Variants in ERP27 observed in about 807,000 individuals in gnomAD.
The protein encoded by ERP27 is endoplasmic reticulum resident protein 27.
In ERP27, 23 loss-of-function variants were observed where a neutral mutation model predicts 27.7. The observed-to-expected ratio is 0.83, with a 90% CI of 0.60 to 1.18. The LOEUF is 1.18. Among genes scored for constraint, ERP27 ranks in the 50% most tolerant of loss-of-function variants. The probability of loss-of-function intolerance (pLI) is 0.00; values close to 1 mark genes in which losing one functional copy is unlikely to be tolerated. For synonymous variants in ERP27, 159 were observed against 118.3 expected, an observed-to-expected ratio of 1.34 and a Z score of -2.23; for missense variants, 363 against 327.9, an observed-to-expected ratio of 1.11 and a Z score of -0.83.
At chr12:14,917,033 T>G in intron 5 of ERP27, 145 bp downstream of exon 5, 1 of 862,270 alleles carries the variant, frequency 1.2e-6, no homozygotes, top group Non-Finnish European at 1.8e-6. Context: ...TTTCAAATAA[T>G]GTGATTTATT....
intron 3 of ERP27, among the ~76,000 whole-genome samples, chr12:14,928,340 C>T (rs1484210346): frequency 6.6e-6 from 1 of 152,194 alleles, no homozygotes; most frequent in Non-Finnish European, 1.5e-5. Context: ...TAAGATTGCT[C>T]TTTATTGTCA....
chr12:14,920,603 C>T (rs559341113), intron 4 of ERP27, among the ~76,000 whole-genome samples: 1 of 152,296 alleles, frequency 6.6e-6, no homozygotes, highest in Admixed American at 6.5e-5. Flanking sequence ...AACTCCTGGA[C>T]ACGAGTGATC....
intron 4 of ERP27, among the ~76,000 whole-genome samples, chr12:14,920,136 G>A (rs1055948470): frequency 6.6e-6 from 1 of 152,190 alleles, no homozygotes; most frequent in Non-Finnish European, 1.5e-5. Flanking sequence ...GAAAATAAAG[G>A]ATGGGACACA....
Position 14,914,558 on chromosome 12 carries a change from C to CAG in ERP27, c.*176_*177insCT. ...AGATTTTAAGACAGGAAATGAAGCTCTGTGTGTGTGTGTGTGTGTGCGTGT... is the reference window on the plus strand; with the variant it reads ...AGATTTTAAGACAGGAAATGAAGCTCAGTGTGTGTGTGTGTGTGTGTGCGTGT... On this transcript the variant is annotated 3_prime_UTR_variant, in exon 7 of 7. Transcript: ENST00000266397. The CAG allele has an allele frequency of 2.8e-6, 1 of 353,620 alleles. No homozygotes were observed. Among genetic ancestry groups the CAG allele is most frequent in the East Asian group, 4.7e-5 (1 of 21,058 alleles). The allele number at this position is 353,620 out of a possible 1,614,324, so 21.9% of individuals were successfully genotyped here. A position where few individuals can be genotyped will look rare whatever the true frequency, so the allele number is the denominator to read the frequency against.
chr12:14,928,908 T>C (rs1256277874), intron 3 of ERP27: 2 of 1,525,032 alleles, frequency 1.3e-6, no homozygotes, highest in Non-Finnish European at 8.8e-7. Flanking sequence ...AAAAATAATA[T>C]TTGCAGCTCC....
At chr12:14,938,087 G>A (rs181240268) in intron 1 of ERP27, 35 bp from the exon 2 acceptor site, 15 of 1,558,448 alleles carry the variant, frequency 9.6e-6, no homozygotes, top group Middle Eastern at 1.7e-4. Context: ...AGGGTACTGA[G>A]GCAAGAAGAA....
chr12:14,935,617 T>C (rs1863762065), intron 2 of ERP27, among the ~76,000 whole-genome samples: 1 of 152,222 alleles, frequency 6.6e-6, no homozygotes, highest in South Asian at 2.1e-4. Flanking sequence ...CTGAGACACT[T>C]GCTGGGGCCC....
intron 3 of ERP27, among the ~76,000 whole-genome samples, chr12:14,923,391 CAT>C (rs1863539609): frequency 6.6e-6 from 1 of 151,144 alleles, no homozygotes; most frequent in Non-Finnish European, 1.5e-5. Context: ...TATGTATATT[CAT>C]ATATATAATA....
At position 14,929,033 on chromosome 12, in the gene ERP27, C is replaced by T; in HGVS notation, c.333+5823G>A. ...ATCATCATTATCATCATAATCAGGA[C>T]TCGTTTAACATTTGATGTGTCTAAA... On this transcript the variant is annotated intron_variant, in intron 3 of 6. Coordinates refer to ENST00000266397, the MANE Select transcript of ERP27 (RefSeq NM_152321.4). 2.0e-6 allele frequency: 3 copies of T among 1,534,992 alleles called. No homozygotes were observed. The South Asian group carries it at 3.6e-5, about 18-fold the overall frequency.
rs76634820 is a variant in ERP27 at position 14,929,143 on chromosome 12, C to G, written c.333+5713G>C. 5,164 of 1,441,792 alleles carry G rather than the reference C, an allele frequency of 3.6e-3. 126 individuals carry two copies. In the African/African-American group the frequency reaches 0.058, roughly 16 times the overall value. 89.3% of individuals were successfully genotyped at this position (1,441,792 alleles called of 1,614,324 possible). A position where few individuals can be genotyped will look rare whatever the true frequency, so the allele number is the denominator to read the frequency against. On this transcript the variant is annotated intron_variant, in intron 3 of 6. Transcript: ENST00000266397. The stretch of plus-strand genomic sequence containing the variant: ...CGCTGTGCATGGATCAAGAATCCCC[C>G]CCTCCCTGTACTCTTTTCCGGGCAG...
rs769967624 is a variant in ERP27, at chr12:14,917,177, C to A, written c.576+1G>T. The A allele has an allele frequency of 5.0e-6, 8 of 1,614,124 alleles. No homozygotes were observed. In the South Asian group the frequency reaches 7.7e-5, roughly 16 times the overall value. ...ATAGGATATTCCCATTCTTGCCTTA[C>A]CTTCCCCTGGAAGAGCTTGGCTGCC... On this transcript the variant is annotated splice_donor_variant, in intron 5 of 6. Transcript: ENST00000266397. LOFTEE classifies it high-confidence loss of function.
At chr12:14,937,782 T>C (rs1171391341) in intron 2 of ERP27, among the ~76,000 whole-genome samples, 170 bp downstream of exon 2, 1 of 152,334 alleles carries the variant, frequency 6.6e-6, no homozygotes, top group Non-Finnish European at 1.5e-5. Flanking sequence ...AGACTGGGAA[T>C]GTCTTGAAAA....
At chr12:14,915,732 G>A (rs370483533) in intron 5 of ERP27, 46 bp from the exon 6 acceptor site, 73 of 1,551,338 alleles carry the variant, frequency 4.7e-5, no homozygotes, top group African/African-American at 3.1e-4. Context: ...CTGAGGTGAC[G>A]TCCAGGGATA....
intron 4 of ERP27, among the ~76,000 whole-genome samples, chr12:14,918,101 C>G (rs1294222089): frequency 6.6e-6 from 1 of 152,140 alleles, no homozygotes; most frequent in Non-Finnish European, 1.5e-5. Context: ...GTCTCCAACT[C>G]TTAACAAAGA....
At chr12:14,919,178 T>C (rs1271408161) in intron 4 of ERP27, among the ~76,000 whole-genome samples, 4 of 152,140 alleles carry the variant, frequency 2.6e-5, no homozygotes, top group African/African-American at 9.7e-5. Flanking sequence ...GAATGGGCAG[T>C]TCTCCAAATG....
Position 14,914,591 on chromosome 12 carries a change from CACGCGTGCGTGCGTGTGTGCACGT to C in ERP27, c.*120_*143del, listed in dbSNP as rs1478826184. On this transcript the variant is annotated 3_prime_UTR_variant, in exon 7 of 7. Transcript: ENST00000266397. ...GTGTGTGTGTGTGCGTGTGTGTGTGCACGCGTGCGTGCGTGTGTGCACGTGCGTGTGTGTGTGGTTGGCAGGCCT... is the reference window on the plus strand; with the variant it reads ...GTGTGTGTGTGTGCGTGTGTGTGTGCGCGTGTGTGTGTGGTTGGCAGGCCT... 2.0e-5 allele frequency: 12 copies of C among 601,558 alleles called. No homozygotes were observed. Among genetic ancestry groups the C allele is most frequent in the Non-Finnish European group, 2.9e-5 (10 of 341,986 alleles). 37.3% of individuals were successfully genotyped at this position (601,558 alleles called of 1,614,324 possible). A position where few individuals can be genotyped will look rare whatever the true frequency, so the allele number is the denominator to read the frequency against.
At chr12:14,925,747 C>A (rs1038813221) in intron 3 of ERP27, among the ~76,000 whole-genome samples, 7 of 151,838 alleles carry the variant, frequency 4.6e-5, no homozygotes, top group African/African-American at 1.7e-4. Flanking sequence ...CTATATCTTT[C>A]TTTTTTTAAA....
intron 3 of ERP27, among the ~76,000 whole-genome samples, chr12:14,930,097 A>G (rs942310574): frequency 2.0e-5 from 3 of 152,164 alleles, no homozygotes; most frequent in Non-Finnish European, 4.4e-5. Flanking sequence ...ACGGGTAGAT[A>G]GGTGCAGCAA....
intron 2 of ERP27, among the ~76,000 whole-genome samples, chr12:14,935,699 A>G (rs1176114781): frequency 1.3e-5 from 2 of 152,108 alleles, no homozygotes; most frequent in Non-Finnish European, 2.9e-5. Flanking sequence ...ACATACAAAG[A>G]ACCTAAAATT....
Sources: gnomAD v4.1 joint callset for allele counts (sites outside exome capture counted in the v4.1 genomes callset) on GRCh38, gnomAD v4.1.1 for gene constraint, MANE v1.5 for transcripts, NCBI Gene and HGNC (gene_info 2026-07-23, HGNC 2026-07-21) for gene names.